CCDC18: variants seen among roughly 807,000 people sequenced by gnomAD.
CCDC18 encodes coiled-coil domain-containing protein 18.
CCDC18 carries 157 observed loss-of-function variants against 196.0 expected under a neutral mutation model. The ratio of observed to expected loss-of-function variants is 0.80; its 90% CI spans 0.70 to 0.91. The LOEUF (loss-of-function observed/expected upper bound fraction) is 0.91, where lower values mean the gene tolerates loss of function less well. Ranked by LOEUF, CCDC18 falls within the 40% of genes least tolerant of loss-of-function variation. The pLI, the probability that CCDC18 is intolerant of heterozygous loss-of-function variation, is 0.00. For synonymous variants in CCDC18, 482 were observed against 529.2 expected, an observed-to-expected ratio of 0.91 and a Z score of 1.22; for missense variants, 1,465 against 1,611.6, an observed-to-expected ratio of 0.91 and a Z score of 1.56.
intron 7 of CCDC18, among the ~76,000 whole-genome samples, chr1:93,205,307 A>T (rs576804634): frequency 2.0e-5 from 3 of 152,282 alleles, no homozygotes; most frequent in Non-Finnish European, 2.9e-5. Flanking sequence ...TTTTCTGGAC[A>T]GGTAGTAGTG....
intron 27 of CCDC18, among the ~76,000 whole-genome samples, chr1:93,267,166 T>C (rs2101432765): frequency 6.6e-6 from 1 of 152,184 alleles, no homozygotes; most frequent in Non-Finnish European, 1.5e-5. Flanking sequence ...ATGTAATCCA[T>C]CACATGAACC....
chr1:93,210,755 G>A (rs1402829366), intron 9 of CCDC18, 47 bp from the exon 10 acceptor site: 16 of 1,426,386 alleles, frequency 1.1e-5, no homozygotes, highest in African/African-American at 4.3e-5. Flanking sequence ...AAAAGCAAAT[G>A]CATCTCATTT....
chr1:93,202,995 A>C (rs1388025683), intron 7 of CCDC18, among the ~76,000 whole-genome samples: 4 of 152,164 alleles, frequency 2.6e-5, no homozygotes, highest in Admixed American at 6.5e-5. Context: ...TATATCTTTG[A>C]ACAGTGTTAA....
At chr1:93,217,680 C>A (rs1399833777) in intron 13 of CCDC18, 58 bp from the exon 14 acceptor site, 3 of 1,445,500 alleles carry the variant, frequency 2.1e-6, no homozygotes, top group Non-Finnish European at 2.8e-6. Flanking sequence ...TTCAAGCGAT[C>A]TGCCTGCCTT....
intron 27 of CCDC18, among the ~76,000 whole-genome samples, chr1:93,265,329 G>C (rs1325856455): frequency 2.0e-5 from 3 of 152,088 alleles, no homozygotes; most frequent in Admixed American, 6.6e-5. Flanking sequence ...AGCCATGAAG[G>C]CATCATTATA....
chr1:93,251,416 C>CT (rs1570575085), intron 23 of CCDC18, among the ~76,000 whole-genome samples: 2 of 152,080 alleles, frequency 1.3e-5, no homozygotes, highest in African/African-American at 4.8e-5. Context: ...ACATTAGTGG[C>CT]GGTTTTTCTT....
At chr1:93,222,607 T>C (rs1157339590) in intron 16 of CCDC18, among the ~76,000 whole-genome samples, 1 of 152,198 alleles carries the variant, frequency 6.6e-6, no homozygotes, top group African/African-American at 2.4e-5. Flanking sequence ...TGGGTTTCAG[T>C]GTGGCTTCAA....
chr1:93,196,723 T>G (rs969016141), intron 6 of CCDC18, among the ~76,000 whole-genome samples: 4 of 152,346 alleles, frequency 2.6e-5, no homozygotes, highest in East Asian at 3.9e-4. Context: ...TATGGAACCA[T>G]GTAGTCAACA....
chr1:93,181,030 T>C, intron 1 of CCDC18, 178 bp downstream of exon 1: 1 of 586,028 alleles, frequency 1.7e-6, no homozygotes, highest in Non-Finnish European at 2.7e-6. Flanking sequence ...TGATGAAAAA[T>C]AGGAGGCCGG....
chr1:93,197,419 T>C (rs1382175033), intron 6 of CCDC18, among the ~76,000 whole-genome samples: 1 of 152,140 alleles, frequency 6.6e-6, no homozygotes, highest in Non-Finnish European at 1.5e-5. Flanking sequence ...TTAAAGATGA[T>C]ACATTTGAAA....
chr1:93,248,242 T>C lies in CCDC18; in HGVS notation c.3198+1288T>C, dbSNP rs75883680. On this transcript the variant is annotated intron_variant, in intron 23 of 28. Coordinates refer to ENST00000690025, the MANE Select transcript of CCDC18 (RefSeq NM_001378204.1). ...CTTGGCCAGGCTGGTCTTGAACTCC[T>C]GACCTCATGACTTCACACACCTCAG... Among the ~76,000 whole-genome samples the C allele has an allele frequency of 3.3e-5, 5 of 151,796 alleles. No homozygotes were observed. The East Asian group carries it at 9.8e-4, about 30-fold the overall frequency.
intron 21 of CCDC18, among the ~76,000 whole-genome samples, chr1:93,244,713 TTTATA>T (rs1224947725): frequency 3.9e-5 from 6 of 152,168 alleles, no homozygotes; most frequent in South Asian, 2.1e-4. Context: ...AATGGTAAAT[TTTATA>T]TTATATGAAT....
intron 17 of CCDC18, 111 bp downstream of exon 17, chr1:93,226,560 G>A (rs663725): frequency 3.3e-5 from 11 of 329,990 alleles, no homozygotes; most frequent in East Asian, 6.8e-5. Context: ...TTGAGACAGC[G>A]TCTCCCCATG....
chr1:93,278,461 AG>A lies in CCDC18; in HGVS notation c.4355del. Reference sequence around the variant, plus strand: ...TTAATCTATTATTTTGCATTATTCTAGGGAGAAAATGTGTAATTCAAAGAAG... The same window carrying A: ...TTAATCTATTATTTTGCATTATTCTAGGAGAAAATGTGTAATTCAAAGAAG... On this transcript the variant is annotated splice_acceptor_variant, in intron 28 of 28. Coordinates refer to ENST00000690025, the MANE Select transcript of CCDC18 (RefSeq NM_001378204.1). LOFTEE classifies it high-confidence loss of function. The A allele has an allele frequency of 1.6e-6, 2 of 1,235,206 alleles. No homozygotes were observed. Among genetic ancestry groups the A allele is most frequent in the Non-Finnish European group, 2.2e-6 (2 of 903,984 alleles). 76.5% of individuals were successfully genotyped at this position (1,235,206 alleles called of 1,614,324 possible). A position where few individuals can be genotyped will look rare whatever the true frequency, so the allele number is the denominator to read the frequency against.
At chr1:93,245,491 T>TA (rs1371763528) in intron 21 of CCDC18, among the ~76,000 whole-genome samples, 5 of 152,266 alleles carry the variant, frequency 3.3e-5, no homozygotes, top group South Asian at 2.1e-4. Context: ...TATCAGAACT[T>TA]AGAGTTTCAA....
rs767350485 is a variant in CCDC18, at chr1:93,258,844, TCAG to T, written c.3647_3649del (p.Ala1216del). On this transcript the variant is annotated inframe_deletion, in exon 26 of 29. Transcript: ENST00000690025. Reference sequence around the variant, plus strand: ...AATGCAAGCAGAAATCAAGAAATTGTCAGCAGAAGTAGAATCTCTCAAAGAAGC... The same window carrying T: ...AATGCAAGCAGAAATCAAGAAATTGTCAGAAGTAGAATCTCTCAAAGAAGC... 1 of 1,602,288 alleles carries T rather than the reference TCAG, an allele frequency of 6.2e-7. No homozygotes were observed. The highest frequency in any genetic ancestry group is 1.7e-5 in the Admixed American group (1 of 57,732).
chr1:93,224,388 C>T (rs1216316343), intron 16 of CCDC18, among the ~76,000 whole-genome samples: 1 of 152,206 alleles, frequency 6.6e-6, no homozygotes, highest in Non-Finnish European at 1.5e-5. Context: ...AGAAAGTCAA[C>T]ATTAAGTTAG....
At chr1:93,247,566 C>A (rs984502069) in intron 23 of CCDC18, among the ~76,000 whole-genome samples, 1 of 151,964 alleles carries the variant, frequency 6.6e-6, no homozygotes, top group Admixed American at 6.6e-5. Context: ...CAGGCGTGCA[C>A]CACCATGATT....
intron 4 of CCDC18, among the ~76,000 whole-genome samples, chr1:93,191,763 C>G (rs926416306): frequency 1.7e-4 from 26 of 152,046 alleles, no homozygotes; most frequent in African/African-American, 5.8e-4. Flanking sequence ...ATTTTCTCCC[C>G]TAAATAACTC....
Sources: gnomAD v4.1 joint callset for allele counts (sites outside exome capture counted in the v4.1 genomes callset) on GRCh38, gnomAD v4.1.1 for gene constraint, MANE v1.5 for transcripts, NCBI Gene and HGNC (gene_info 2026-07-23, HGNC 2026-07-21) for gene names.